ELAPOR2: variants seen among roughly 807,000 people sequenced by gnomAD.
ELAPOR2 encodes endosome-lysosome associated apoptosis and autophagy regulator family member 2.
In ELAPOR2, 89 loss-of-function variants were observed where a neutral mutation model predicts 120.7. That is an observed-to-expected ratio of 0.74 (90% CI 0.62 to 0.88). The LOEUF (loss-of-function observed/expected upper bound fraction) is 0.88. Among genes scored for constraint, ELAPOR2 ranks in the 40% least tolerant of loss-of-function variants. ELAPOR2 has a pLI of 0.00. For synonymous variants in ELAPOR2, 444 were observed against 444.9 expected (o/e 1.00, Z 0.03); for missense variants, 1,134 against 1,251.6 (o/e 0.91, Z 1.42).
chr7:86,978,704 G>A (rs1281752044), intron 1 of ELAPOR2, among the ~76,000 whole-genome samples: 5 of 152,130 alleles, frequency 3.3e-5, no homozygotes, highest in African/African-American at 9.7e-5. Flanking sequence ...CAGTGTCTCT[G>A]AACCTCAATT....
chr7:86,991,263 T>C (rs1205074241), intron 1 of ELAPOR2, among the ~76,000 whole-genome samples: 1 of 152,160 alleles, frequency 6.6e-6, no homozygotes, highest in Non-Finnish European at 1.5e-5. Context: ...TGAATGTTGA[T>C]GATTTATTTT....
intron 18 of ELAPOR2, among the ~76,000 whole-genome samples, chr7:86,901,315 T>G (rs772315403): frequency 6.6e-6 from 1 of 152,220 alleles, no homozygotes; most frequent in Non-Finnish European, 1.5e-5. Context: ...AGAATTCACA[T>G]TAACCTTTTT....
intron 8 of ELAPOR2, among the ~76,000 whole-genome samples, chr7:86,935,545 G>T (rs1268583427): frequency 6.6e-5 from 10 of 151,908 alleles, no homozygotes; most frequent in Non-Finnish European, 1.5e-4. Context: ...GTCTAGACCA[G>T]TGGTTCTCTA....
At chr7:86,919,123 T>C (rs1249226384) in intron 11 of ELAPOR2, 97 bp downstream of exon 11, 2 of 752,034 alleles carry the variant, frequency 2.7e-6, no homozygotes, top group Non-Finnish European at 4.4e-6. Context: ...ATTTTTGTAA[T>C]ATTAATATGT....
At position 86,945,025 on chromosome 7, in the gene ELAPOR2, T is replaced by A. The variant is rs1790945027; in HGVS notation, c.528A>T (p.Gly176=). 1 of 1,549,460 alleles carries A rather than the reference T, an allele frequency of 6.5e-7. No homozygotes were observed. Among genetic ancestry groups the A allele is most frequent in the Non-Finnish European group, 8.7e-7 (1 of 1,146,436 alleles). ...CATCACGATTAGATTCTATGTAGTT[T>A]CCACGAGGGATCCAAGAAGAGCTGT... is the stretch of plus-strand genomic sequence containing the variant. The part of the protein sequence containing the change: ...GCNNSSWIPR[G]NYIESNRDDC... The change falls in exon 4 of 22, where the codon GGA becomes GGT. Residue 176 remains glycine, a synonymous_variant. Coordinates refer to ENST00000450689, the MANE Select transcript of ELAPOR2 (RefSeq NM_001142749.3).
chr7:86,941,608 T>A (rs1003384595), intron 5 of ELAPOR2, among the ~76,000 whole-genome samples: 2 of 152,032 alleles, frequency 1.3e-5, no homozygotes, highest in Non-Finnish European at 2.9e-5. Context: ...TCACAGATCC[T>A]TCCAATGAAA....
intron 1 of ELAPOR2, among the ~76,000 whole-genome samples, chr7:87,016,998 T>C (rs2116686091): frequency 6.6e-6 from 1 of 152,274 alleles, no homozygotes; most frequent in South Asian, 2.1e-4. Flanking sequence ...CTCATTCTCT[T>C]ACATTCATTT....
intron 1 of ELAPOR2, among the ~76,000 whole-genome samples, chr7:87,030,935 T>C (rs1441131832): frequency 6.6e-6 from 1 of 152,138 alleles, no homozygotes; most frequent in Non-Finnish European, 1.5e-5. Flanking sequence ...TGGTGGAAGA[T>C]GAAAGGCACA....
At chr7:87,014,027 C>CTTTTTTTTTT (rs35583728) in intron 1 of ELAPOR2, among the ~76,000 whole-genome samples, 10 of 122,426 alleles carry the variant, frequency 8.2e-5, no homozygotes, top group Admixed American at 8.4e-5. Context: ...ATGTTTTTCA[C>CTTTTTTTTTT]TTTTTTTTTT....
rs1040513813 is a variant in ELAPOR2, at chr7:86,877,401, A to G, written c.*3070T>C. 1.3e-5 allele frequency: 2 copies of G among 152,162 alleles called. No homozygotes were observed. Among genetic ancestry groups the G allele is most frequent in the South Asian group, 2.1e-4 (1 of 4,830 alleles). 9.4% of individuals were successfully genotyped at this position (152,162 alleles called of 1,614,324 possible). ...GGAGTTGGGCCTGTCAACTGCAATC[A>G]TATTCATGATTACTATAAATAGATA... On this transcript the variant is annotated 3_prime_UTR_variant, in exon 22 of 22. Coordinates refer to ENST00000450689, the MANE Select transcript of ELAPOR2 (RefSeq NM_001142749.3).
intron 2 of ELAPOR2, among the ~76,000 whole-genome samples, chr7:86,951,312 C>T (rs1392739674): frequency 6.6e-6 from 1 of 151,900 alleles, no homozygotes; most frequent in Admixed American, 6.6e-5. Context: ...GTTTAGTGTC[C>T]AAAATGGTAT....
Position 87,012,030 on chromosome 7 carries a change from TAC to T in ELAPOR2, c.190-47008_190-47007del, listed in dbSNP as rs200607625. 1.0e-3 allele frequency among the ~76,000 whole-genome samples: 152 copies of T among 152,350 alleles called. 1 individual carries two copies. The East Asian group carries it at 0.02, about 20-fold the overall frequency. On this transcript the variant is annotated intron_variant, in intron 1 of 21. Transcript: ENST00000450689. ...CAATATAAAAATATTAATGAGAAAC[TAC>T]ATTCTTTTATTGTACTAAATAATCT...
chr7:87,002,151 C>T (rs944858497), intron 1 of ELAPOR2, among the ~76,000 whole-genome samples: 1 of 152,150 alleles, frequency 6.6e-6, no homozygotes, highest in Non-Finnish European at 1.5e-5. Flanking sequence ...TCAGTCCAAA[C>T]CAATAATGTT....
intron 1 of ELAPOR2, among the ~76,000 whole-genome samples, chr7:87,024,500 A>G (rs1050237780): frequency 4.6e-5 from 7 of 152,106 alleles, no homozygotes; most frequent in African/African-American, 1.4e-4. Flanking sequence ...ATCAATGTTC[A>G]TCAGGGATAT....
chr7:86,990,161 C>G (rs1324765710), intron 1 of ELAPOR2, among the ~76,000 whole-genome samples: 1 of 152,136 alleles, frequency 6.6e-6, no homozygotes, highest in Non-Finnish European at 1.5e-5. Context: ...ATTCTCCTGC[C>G]TCAGCCTCCT....
At chr7:87,010,503 C>G (rs1793621343) in intron 1 of ELAPOR2, among the ~76,000 whole-genome samples, 1 of 152,192 alleles carries the variant, frequency 6.6e-6, no homozygotes, top group South Asian at 2.1e-4. Flanking sequence ...TGAAGGATCA[C>G]TAAAAACTTT....
chr7:86,905,126 G>GGAAGGAAGGAAA (rs1436484337), intron 18 of ELAPOR2, among the ~76,000 whole-genome samples: 480 of 114,626 alleles, frequency 4.2e-3, no homozygotes, highest in Admixed American at 6.4e-3. Context: ...AAGGAAGGAA[G>GGAAGGAAGGAAA]GAAAGAAAGA....
chr7:86,893,900 C>T (rs1490840455), intron 19 of ELAPOR2, among the ~76,000 whole-genome samples: 2 of 151,972 alleles, frequency 1.3e-5, no homozygotes, highest in African/African-American at 4.8e-5. Context: ...GCATATGGTT[C>T]GTTATATATT....
At chr7:86,947,654 T>C in intron 3 of ELAPOR2, 73 bp downstream of exon 3, 1 of 1,291,108 alleles carries the variant, frequency 7.7e-7, no homozygotes, top group East Asian at 2.5e-5. Flanking sequence ...ATCCTCATCT[T>C]CTTTCTGGAA....
Sources: gnomAD v4.1 joint callset for allele counts (sites outside exome capture counted in the v4.1 genomes callset) on GRCh38, gnomAD v4.1.1 for gene constraint, MANE v1.5 for transcripts, NCBI Gene and HGNC (gene_info 2026-07-23, HGNC 2026-07-21) for gene names.